Variants in COL24A1 observed in about 807,000 individuals in gnomAD.
COL24A1 encodes the protein collagen alpha-1(XXIV) chain.
A neutral mutation model predicts 253.9 loss-of-function variants in COL24A1; 224 were observed. The ratio of observed to expected loss-of-function variants is 0.88; its 90% CI spans 0.79 to 0.99. The LOEUF (loss-of-function observed/expected upper bound fraction) is 0.99, where lower values mean the gene tolerates loss of function less well. COL24A1 is among the 50% of genes least tolerant of loss of function. The pLI is 0.00. For missense variants in COL24A1, 2,131 were observed against 2,068.5 expected (o/e 1.03, Z -0.59); for synonymous variants, 685 against 673.7 (o/e 1.02, Z -0.26).
chr1:86,051,189 T>G (rs933717117), intron 10 of COL24A1, among the ~76,000 whole-genome samples: 7 of 152,168 alleles, frequency 4.6e-5, no homozygotes, highest in Admixed American at 3.9e-4. Context: ...CAAACATTAT[T>G]TTAGTAGCCA....
intron 2 of COL24A1, among the ~76,000 whole-genome samples, 174 bp downstream of exon 2, chr1:86,145,945 G>A (rs1216631601): frequency 1.3e-5 from 2 of 151,912 alleles, no homozygotes; most frequent in African/African-American, 2.4e-5. Flanking sequence ...CTTAAAGGTC[G>A]TATTTCCCCT....
chr1:86,049,519 A>G (rs1267381782), intron 11 of COL24A1, among the ~76,000 whole-genome samples: 1 of 152,180 alleles, frequency 6.6e-6, no homozygotes, highest in Non-Finnish European at 1.5e-5. Flanking sequence ...TTCAATTAAT[A>G]CTGGCAATGT....
intron 37 of COL24A1, among the ~76,000 whole-genome samples, chr1:85,857,007 T>C (rs968015544): frequency 1.3e-5 from 2 of 152,058 alleles, no homozygotes; most frequent in African/African-American, 4.8e-5. Flanking sequence ...AGGTTTTGTT[T>C]GTCTGTTTGT....
intron 24 of COL24A1, among the ~76,000 whole-genome samples, chr1:85,960,016 G>A (rs1690857640): frequency 1.3e-5 from 2 of 151,948 alleles, no homozygotes. Context: ...CCCAGAAAAA[G>A]CAAGAACAAA....
intron 47 of COL24A1, among the ~76,000 whole-genome samples, chr1:85,792,418 G>A (rs1003107940): frequency 6.6e-6 from 1 of 151,488 alleles, no homozygotes; most frequent in Non-Finnish European, 1.5e-5. Flanking sequence ...CAGGTGTGGT[G>A]GCTCATCCCT....
intron 19 of COL24A1, among the ~76,000 whole-genome samples, chr1:85,998,715 G>T (rs891967016): frequency 6.6e-6 from 1 of 152,116 alleles, no homozygotes. Context: ...CCAAGATAAC[G>T]AGATAATATC....
At chr1:86,145,044 A>G (rs1188286180) in intron 2 of COL24A1, among the ~76,000 whole-genome samples, 3 of 152,138 alleles carry the variant, frequency 2.0e-5, no homozygotes, top group African/African-American at 7.2e-5. Flanking sequence ...CATAAAAGAG[A>G]TTTAGAAAAT....
intron 10 of COL24A1, among the ~76,000 whole-genome samples, chr1:86,051,574 T>C (rs1700305496): frequency 6.6e-6 from 1 of 151,992 alleles, no homozygotes; most frequent in Admixed American, 6.6e-5. Context: ...AGAGGTGAGT[T>C]TGGAAAGGGT....
At chr1:86,043,186 A>G (rs551509614) in intron 12 of COL24A1, among the ~76,000 whole-genome samples, 16 of 152,196 alleles carry the variant, frequency 1.1e-4, no homozygotes, top group Non-Finnish European at 2.1e-4. Flanking sequence ...CTATTGTTCT[A>G]TAAATTATAT....
At chr1:85,926,823 A>G (rs1687303696) in intron 24 of COL24A1, among the ~76,000 whole-genome samples, 1 of 151,752 alleles carries the variant, frequency 6.6e-6, no homozygotes, top group South Asian at 2.1e-4. Context: ...TAATAATAAT[A>G]ATTATAATAA....
At chr1:86,017,357 C>T (rs1260772876) in intron 18 of COL24A1, among the ~76,000 whole-genome samples, 153 bp from the exon 19 acceptor site, 2 of 152,142 alleles carry the variant, frequency 1.3e-5, no homozygotes, top group East Asian at 3.8e-4. Context: ...TTGTAACCAT[C>T]ATTACTGTAA....
chr1:85,978,026 A>T (rs1425412674), intron 20 of COL24A1, among the ~76,000 whole-genome samples: 2 of 152,170 alleles, frequency 1.3e-5, no homozygotes, highest in Non-Finnish European at 2.9e-5. Context: ...TTTACAGCAG[A>T]TTCCTCAGCA....
intron 24 of COL24A1, among the ~76,000 whole-genome samples, chr1:85,939,214 T>C (rs1430141925): frequency 7.2e-5 from 11 of 152,128 alleles, no homozygotes; most frequent in Non-Finnish European, 1.3e-4. Flanking sequence ...TGGAAACAAC[T>C]AAGATAGAAT....
intron 19 of COL24A1, among the ~76,000 whole-genome samples, chr1:85,993,768 T>C (rs1222850033): frequency 6.6e-6 from 1 of 152,020 alleles, no homozygotes; most frequent in African/African-American, 2.4e-5. Flanking sequence ...GTATTGGGTA[T>C]TTTAGATAAC....
chr1:85,986,198 A>T (rs1693706999), intron 20 of COL24A1, among the ~76,000 whole-genome samples: 1 of 151,788 alleles, frequency 6.6e-6, no homozygotes, highest in Non-Finnish European at 1.5e-5. Flanking sequence ...GAAAACAGGG[A>T]TCAGGACTCT....
At position 85,967,512 on chromosome 1, in the gene COL24A1, T is replaced by C. The variant is rs374974961; in HGVS notation, c.2464-2450A>G. On this transcript the variant is annotated intron_variant, in intron 22 of 59. Transcript: ENST00000370571. ...GAGAATGTATTAGAAAGAAAGATGG[T>C]GGTTGGGGAATGAGAAGTTCAAAAT... is the stretch of plus-strand genomic sequence containing the variant. 1.3e-4 allele frequency among the ~76,000 whole-genome samples: 20 copies of C among 151,986 alleles called. No individual in the cohort carries two copies. The East Asian group carries it at 1.4e-3, about 10-fold the overall frequency.
intron 43 of COL24A1, among the ~76,000 whole-genome samples, chr1:85,827,781 C>T (rs1340337601): frequency 6.6e-6 from 1 of 152,034 alleles, no homozygotes; most frequent in African/African-American, 2.4e-5. Flanking sequence ...TCCCCTTTAT[C>T]ATTTTTTATT....
intron 59 of COL24A1, among the ~76,000 whole-genome samples, chr1:85,734,201 C>G (rs1453139502): frequency 6.6e-6 from 1 of 152,128 alleles, no homozygotes; most frequent in African/African-American, 2.4e-5. Flanking sequence ...CCATGCCTGG[C>G]CCCACTATTT....
At chr1:85,975,184 T>G (rs1170373757) in intron 20 of COL24A1, among the ~76,000 whole-genome samples, 2 of 151,994 alleles carry the variant, frequency 1.3e-5, no homozygotes, top group African/African-American at 2.4e-5. Flanking sequence ...TCAATACAGC[T>G]AATATGAAAA....
Sources: allele counts gnomAD v4.1 joint callset (sites outside exome capture counted in the v4.1 genomes callset), GRCh38; gene constraint gnomAD v4.1.1; transcripts MANE v1.5; gene names NCBI Gene and HGNC (gene_info 2026-07-23, HGNC 2026-07-21).